STXBP4: variants seen among roughly 807,000 people sequenced by gnomAD.
The protein encoded by STXBP4 is syntaxin binding protein 4.
Under a neutral mutation model 76.1 loss-of-function variants are expected in STXBP4, and 55 were observed. The observed-to-expected ratio is 0.72, with a 90% CI of 0.58 to 0.91. The LOEUF is 0.91. Among genes scored for constraint, STXBP4 ranks in the 40% least tolerant of loss-of-function variants. The pLI is 0.00. For synonymous variants in STXBP4, 201 were observed against 220.2 expected, an observed-to-expected ratio of 0.91 and a Z score of 0.77; for missense variants, 618 against 636.9, an observed-to-expected ratio of 0.97 and a Z score of 0.32.
chr17:55,104,812 A>T (rs2079611289), intron 16 of STXBP4, among the ~76,000 whole-genome samples: 1 of 152,078 alleles, frequency 6.6e-6, no homozygotes, highest in Admixed American at 6.6e-5. Context: ...AGAACTTGTT[A>T]TTGGTTTACT....
At chr17:54,970,694 T>A (rs982960531) in intron 1 of STXBP4, among the ~76,000 whole-genome samples, 8 of 152,370 alleles carry the variant, frequency 5.3e-5, no homozygotes, top group Admixed American at 5.2e-4. Context: ...ATACCAACAG[T>A]ACATTTCCAC....
At chr17:55,020,851 T>C (rs543282875) in intron 8 of STXBP4, among the ~76,000 whole-genome samples, 11 of 152,256 alleles carry the variant, frequency 7.2e-5, no homozygotes, top group African/African-American at 2.6e-4. Flanking sequence ...AATAAAATTA[T>C]ACTTTCATGA....
intron 3 of STXBP4, among the ~76,000 whole-genome samples, chr17:54,988,436 A>G (rs2077658917): frequency 6.6e-6 from 1 of 152,064 alleles, no homozygotes; most frequent in Admixed American, 6.6e-5. Context: ...TTTCATTTCT[A>G]GGCTTTACTC....
the STXBP4 span, among the ~76,000 whole-genome samples, chr17:55,187,613 T>C: frequency 6.6e-6 from 1 of 152,142 alleles, no homozygotes; most frequent in Non-Finnish European, 1.5e-5. Flanking sequence ...CACTGAGCGC[T>C]GACAAAGCTT....
At chr17:55,105,586 C>T (rs1322794772) in intron 16 of STXBP4, among the ~76,000 whole-genome samples, 2 of 151,484 alleles carry the variant, frequency 1.3e-5, no homozygotes, top group Non-Finnish European at 2.9e-5. Flanking sequence ...TCTCCTGCCT[C>T]AGCCTCCCAA....
chr17:55,008,744 AG>A (rs1337713446), intron 8 of STXBP4, among the ~76,000 whole-genome samples: 1 of 151,978 alleles, frequency 6.6e-6, no homozygotes, highest in African/African-American at 2.4e-5. Context: ...CCTTTCCTCT[AG>A]GTATAGGGAG....
At chr17:55,031,299 A>AAGAGTTGT (rs753150670) in intron 9 of STXBP4, 35 bp downstream of exon 9, 1 of 1,464,906 alleles carries the variant, frequency 6.8e-7, no homozygotes, top group Admixed American at 1.7e-5. Flanking sequence ...ATTATCACTG[A>AAGAGTTGT]ATCATCATTC....
intron 12 of STXBP4, among the ~76,000 whole-genome samples, chr17:55,049,879 G>A (rs1286681798): frequency 4.6e-5 from 7 of 152,106 alleles, no homozygotes; most frequent in African/African-American, 1.4e-4. Flanking sequence ...AACTATTCTA[G>A]ATAAAAGGAC....
At chr17:55,202,198 C>A in the STXBP4 span, among the ~76,000 whole-genome samples, 1 of 152,030 alleles carries the variant, frequency 6.6e-6, no homozygotes, top group African/African-American at 2.4e-5. Flanking sequence ...AATTTCTACT[C>A]CTCCTCTACC....
chr17:55,196,118 T>G, the STXBP4 span, among the ~76,000 whole-genome samples: 1 of 152,144 alleles, frequency 6.6e-6, no homozygotes. Flanking sequence ...CTGAACCCCC[T>G]CAATATGGGT....
chr17:55,033,329 G>A (rs997268404), intron 9 of STXBP4, among the ~76,000 whole-genome samples: 1 of 151,976 alleles, frequency 6.6e-6, no homozygotes, highest in Non-Finnish European at 1.5e-5. Context: ...AGCCAAGATC[G>A]TGCCACTGCA....
At chr17:55,126,741 A>T (rs1342015015) in intron 16 of STXBP4, among the ~76,000 whole-genome samples, 7 of 152,198 alleles carry the variant, frequency 4.6e-5, no homozygotes, top group Non-Finnish European at 1.0e-4. Context: ...AATCATTCCA[A>T]AGTGCTTACT....
intron 12 of STXBP4, among the ~76,000 whole-genome samples, chr17:55,054,165 A>G (rs1034062762): frequency 4.6e-5 from 7 of 152,198 alleles, no homozygotes; most frequent in African/African-American, 1.7e-4. Context: ...GAAAAAATAT[A>G]TAAACAAAAG....
At chr17:55,085,439 C>T (rs2079313966) in intron 16 of STXBP4, among the ~76,000 whole-genome samples, 1 of 151,828 alleles carries the variant, frequency 6.6e-6, no homozygotes, top group African/African-American at 2.4e-5. Flanking sequence ...TTACAAGTAC[C>T]CATTAATATA....
chr17:55,015,709 AC>A (rs145674021), intron 8 of STXBP4, among the ~76,000 whole-genome samples: 1,682 of 148,962 alleles, frequency 0.011, 40 homozygotes, highest in East Asian at 0.11. Flanking sequence ...CTCCTTTTGT[AC>A]CGTTTGGGTT....
chr17:55,017,695 G>A (rs1428488395), intron 8 of STXBP4, among the ~76,000 whole-genome samples: 1 of 152,166 alleles, frequency 6.6e-6, no homozygotes, highest in African/African-American at 2.4e-5. Context: ...AAAGCCGGGA[G>A]TTCGGGACGA....
At chr17:54,975,981 A>G (rs573132205) in intron 1 of STXBP4, among the ~76,000 whole-genome samples, 27 of 152,280 alleles carry the variant, frequency 1.8e-4, no homozygotes, top group African/African-American at 6.5e-4. Flanking sequence ...AATATCTGAA[A>G]TCTAGTTCAT....
chr17:55,052,916 CGTGT>C (rs59163531), intron 12 of STXBP4, among the ~76,000 whole-genome samples: 22,153 of 95,446 alleles, frequency 0.23, 2,544 homozygotes, highest in Middle Eastern at 0.35. Flanking sequence ...ACGTGTATGA[CGTGT>C]GTGTGTGTGT....
chr17:55,011,502 C>CTTTATCTTTTT (rs1323375714), intron 8 of STXBP4, among the ~76,000 whole-genome samples: 1 of 34,318 alleles, frequency 2.9e-5, no homozygotes, highest in African/African-American at 1.7e-4. Flanking sequence ...AGTTTATTTT[C>CTTTATCTTTTT]TTTTTCTTTT....
Sources: gnomAD v4.1 joint callset for allele counts (sites outside exome capture counted in the v4.1 genomes callset) on GRCh38, gnomAD v4.1.1 for gene constraint, MANE v1.5 for transcripts, NCBI Gene and HGNC (gene_info 2026-07-23, HGNC 2026-07-21) for gene names.